XKR6: variants seen among roughly 807,000 people sequenced by gnomAD.
XKR6 encodes the protein XK-related protein 6.
A neutral mutation model predicts 56.7 loss-of-function variants in XKR6; 22 were observed. The ratio of observed to expected loss-of-function variants is 0.39; its 90% CI spans 0.28 to 0.55. XKR6 has a LOEUF of 0.55. Among genes scored for constraint, XKR6 ranks in the 20% least tolerant of loss-of-function variants. The probability of loss-of-function intolerance (pLI) is 0.66; values close to 1 mark genes in which losing one functional copy is unlikely to be tolerated. For missense variants in XKR6, 852 were observed against 889.0 expected (o/e 0.96, Z 0.53); for synonymous variants, 524 against 387.8 (o/e 1.35, Z -4.13).
intron 1 of XKR6, among the ~76,000 whole-genome samples, chr8:11,054,148 C>A (rs951380692): frequency 3.3e-5 from 5 of 152,078 alleles, no homozygotes; most frequent in Admixed American, 2.6e-4. Context: ...GGTGTCATTG[C>A]GGGTGGTTAA....
intron 1 of XKR6, among the ~76,000 whole-genome samples, chr8:11,103,497 G>C (rs1468558135): frequency 6.6e-6 from 1 of 152,176 alleles, no homozygotes; most frequent in Non-Finnish European, 1.5e-5. Flanking sequence ...ACCTGACAAT[G>C]ATCTCAATAT....
In XKR6 at chr8:10,897,407, C is replaced by T. The variant is rs1046374209; in HGVS notation, c.*545G>A. 2.0e-5 allele frequency: 3 copies of T among 152,638 alleles called. No individual in the cohort carries two copies. The highest frequency in any genetic ancestry group is 4.4e-5 in the Non-Finnish European group (3 of 68,052). The allele number at this position is 152,638 out of a possible 1,614,324, so 9.5% of individuals were successfully genotyped here. A position where few individuals can be genotyped will look rare whatever the true frequency, so the allele number is the denominator to read the frequency against. On this transcript the variant is annotated 3_prime_UTR_variant, in exon 3 of 3. Coordinates refer to ENST00000416569, the MANE Select transcript of XKR6 (RefSeq NM_173683.4). ...TTCATTTAATTGTTTAATTTTCCCTCTTCTGGTGCAAAAATCACCAGAGAG... is the reference window on the plus strand; with the variant it reads ...TTCATTTAATTGTTTAATTTTCCCTTTTCTGGTGCAAAAATCACCAGAGAG...
chr8:11,169,697 G>A (rs1009357296), intron 1 of XKR6, among the ~76,000 whole-genome samples: 30 of 152,142 alleles, frequency 2.0e-4, no homozygotes, highest in Non-Finnish European at 4.1e-4. Flanking sequence ...AAAAGTTCTG[G>A]AAATGGACAG....
intron 1 of XKR6, among the ~76,000 whole-genome samples, chr8:11,056,599 C>A (rs1212607559): frequency 1.3e-5 from 2 of 152,342 alleles, no homozygotes; most frequent in South Asian, 2.1e-4. Context: ...TTCCCCGGAA[C>A]TGGGGAAGGG....
chr8:10,966,766 G>A (rs1802236895), intron 1 of XKR6, among the ~76,000 whole-genome samples: 1 of 152,170 alleles, frequency 6.6e-6, no homozygotes, highest in African/African-American at 2.4e-5. Flanking sequence ...TGGGGATGGG[G>A]CCCAGGAAAC....
At chr8:11,178,576 A>ATATATATATATG (rs1266024257) in intron 1 of XKR6, among the ~76,000 whole-genome samples, 13 of 135,944 alleles carry the variant, frequency 9.6e-5, no homozygotes, top group South Asian at 7.3e-4. Context: ...ATATATATGT[A>ATATATATATATG]TATATATATG....
intron 1 of XKR6, among the ~76,000 whole-genome samples, chr8:11,001,982 C>G (rs1798250129): frequency 6.6e-6 from 1 of 151,972 alleles, no homozygotes; most frequent in Admixed American, 6.6e-5. Context: ...TCTAACCAGG[C>G]CAATGGGATT....
chr8:11,037,361 G>C (rs1799172458), intron 1 of XKR6, among the ~76,000 whole-genome samples: 1 of 152,148 alleles, frequency 6.6e-6, no homozygotes, highest in Admixed American at 6.5e-5. Flanking sequence ...GAGTAGCTGA[G>C]ACTACAGGTG....
chr8:11,137,737 T>G, intron 1 of XKR6: 1 of 456,048 alleles, frequency 2.2e-6, no homozygotes, highest in Non-Finnish European at 4.4e-6. Flanking sequence ...GAAAACCAGT[T>G]GGCTCTGAAT....
At chr8:10,983,240 CT>C (rs751664974) in intron 1 of XKR6, among the ~76,000 whole-genome samples, 2 of 152,028 alleles carry the variant, frequency 1.3e-5, no homozygotes, top group Admixed American at 6.5e-5. Context: ...TCAAGACCTG[CT>C]TTTTTTGGGA....
At chr8:11,051,081 T>C (rs1247474456) in intron 1 of XKR6, among the ~76,000 whole-genome samples, 1 of 152,112 alleles carries the variant, frequency 6.6e-6, no homozygotes, top group East Asian at 1.9e-4. Context: ...CCAAAGCCCT[T>C]AGTCCTCCCA....
At chr8:10,925,337 G>A (rs1800848219) in intron 1 of XKR6, among the ~76,000 whole-genome samples, 1 of 152,214 alleles carries the variant, frequency 6.6e-6, no homozygotes, top group Admixed American at 6.5e-5. Flanking sequence ...AAGTAGGAGG[G>A]TATGGTTCTC....
intron 1 of XKR6, among the ~76,000 whole-genome samples, chr8:11,013,681 C>T (rs1288087070): frequency 2.6e-5 from 4 of 152,188 alleles, no homozygotes; most frequent in African/African-American, 4.8e-5. Context: ...CTAGAATTAG[C>T]GGGGATGGGA....
chr8:11,153,496 A>G (rs1411766092), intron 1 of XKR6, among the ~76,000 whole-genome samples: 2 of 152,234 alleles, frequency 1.3e-5, no homozygotes, highest in African/African-American at 4.8e-5. Flanking sequence ...AAAAGTAATA[A>G]CATCATATAA....
chr8:11,154,235 G>C (rs998425629), intron 1 of XKR6, among the ~76,000 whole-genome samples: 1 of 152,176 alleles, frequency 6.6e-6, no homozygotes, highest in Non-Finnish European at 1.5e-5. Context: ...AGTAGACATG[G>C]TGACGGAGTT....
intron 1 of XKR6, among the ~76,000 whole-genome samples, chr8:11,180,695 A>G (rs767144470): frequency 6.6e-6 from 1 of 152,134 alleles, no homozygotes; most frequent in Non-Finnish European, 1.5e-5. Flanking sequence ...GCTTGGGCCC[A>G]GGAGTTCAAG....
In XKR6 at chr8:11,064,654, T is replaced by C. The variant is rs926973036; in HGVS notation, c.764+135922A>G. Among the ~76,000 whole-genome samples, 10 of 152,216 alleles carry C rather than the reference T, an allele frequency of 6.6e-5. No individual in the cohort carries two copies. In the East Asian group the frequency reaches 1.9e-3, roughly 29 times the overall value. On this transcript the variant is annotated intron_variant, in intron 1 of 2. Coordinates refer to ENST00000416569, the MANE Select transcript of XKR6 (RefSeq NM_173683.4). ...TCAGATACTTGCATACTCTATTCTTTCATTCTCTTTTCCCTCCAGGCATTT... is the reference window on the plus strand; with the variant it reads ...TCAGATACTTGCATACTCTATTCTTCCATTCTCTTTTCCCTCCAGGCATTT...
intron 1 of XKR6, among the ~76,000 whole-genome samples, chr8:11,079,724 C>T (rs886584397): frequency 1.3e-5 from 2 of 152,158 alleles, no homozygotes; most frequent in African/African-American, 4.8e-5. Flanking sequence ...CTTTGGGAGG[C>T]CAATGTGGCA....
At chr8:10,928,678 G>A (rs1800969786) in intron 1 of XKR6, among the ~76,000 whole-genome samples, 1 of 152,174 alleles carries the variant, frequency 6.6e-6, no homozygotes, top group South Asian at 2.1e-4. Flanking sequence ...ACAGGCCCGC[G>A]CCCTCTTCTG....
Sources: gnomAD v4.1 joint callset for allele counts (sites outside exome capture counted in the v4.1 genomes callset) on GRCh38, gnomAD v4.1.1 for gene constraint, MANE v1.5 for transcripts, NCBI Gene and HGNC (gene_info 2026-07-23, HGNC 2026-07-21) for gene names.